Variants in ARHGAP17 observed in about 807,000 individuals in gnomAD.
The protein encoded by ARHGAP17 is rho GTPase-activating protein 17.
In ARHGAP17, 57 loss-of-function variants were observed where a neutral mutation model predicts 99.5. That is an observed-to-expected ratio of 0.57 (90% CI 0.46 to 0.71). ARHGAP17 has a LOEUF of 0.71. ARHGAP17 is among the 30% of genes least tolerant of loss of function. The pLI is 0.00. For missense variants in ARHGAP17, 1,000 were observed against 1,122.4 expected (o/e 0.89, Z 1.56); for synonymous variants, 417 against 429.6 (o/e 0.97, Z 0.36).
At position 24,939,509 on chromosome 16, in the gene ARHGAP17, G is replaced by A. The variant is rs762764341; in HGVS notation, c.1579C>T (p.Leu527Phe). The A allele has an allele frequency of 4.3e-6, 7 of 1,611,158 alleles. No homozygotes were observed. The highest frequency in any genetic ancestry group is 5.9e-6 in the Non-Finnish European group (7 of 1,179,180). The change falls in exon 17 of 20, where the codon CTT becomes TTT. Residue 527 changes from leucine to phenylalanine, a missense_variant. Around this residue, in one of 2 missense-constraint regions of ARHGAP17, gnomAD observed 528 missense variants for 511.4 expected, o/e 1.03. Coordinates refer to ENST00000289968, the MANE Select transcript of ARHGAP17 (RefSeq NM_001006634.3). ...ACGGTGCTGCCATCTGTGGGCGGAA[G>A]TGGCGGCTGGAAAGCGGGGGATATG... ...KHISPAFQPPLPPTDGSTVVP... is the reference protein window; with the variant it reads ...KHISPAFQPPFPPTDGSTVVP...
chr16:25,004,999 C>T (rs1031743801), intron 1 of ARHGAP17, among the ~76,000 whole-genome samples: 2 of 152,214 alleles, frequency 1.3e-5, no homozygotes, highest in South Asian at 2.1e-4. Context: ...ACTGCAACCT[C>T]GGCCTCCTGG....
chr16:24,938,788 A>G (rs542428950), intron 17 of ARHGAP17, among the ~76,000 whole-genome samples: 45 of 151,690 alleles, frequency 3.0e-4, no homozygotes, highest in East Asian at 1.4e-3. Flanking sequence ...AAAAAAAAAA[A>G]AAAGAAAAAA....
chr16:24,978,866 TAAAAAAAA>T, intron 2 of ARHGAP17, 92 bp downstream of exon 2: 2 of 586,484 alleles, frequency 3.4e-6, no homozygotes, highest in South Asian at 2.3e-5. Context: ...TGTTTCTGGT[TAAAAAAAA>T]AAAAAAAAAA....
At chr16:24,937,970 T>C (rs1417430056) in intron 17 of ARHGAP17, among the ~76,000 whole-genome samples, 1 of 152,214 alleles carries the variant, frequency 6.6e-6, no homozygotes. Flanking sequence ...GCTAAGCAGC[T>C]GTCAGTTCCA....
intron 17 of ARHGAP17, among the ~76,000 whole-genome samples, chr16:24,937,209 G>C (rs1217307861): frequency 6.6e-6 from 1 of 151,602 alleles, no homozygotes; most frequent in Non-Finnish European, 1.5e-5. Context: ...ATCACTTGAG[G>C]TCAGGACATC....
At chr16:24,967,694 A>G (rs1160440666) in intron 6 of ARHGAP17, among the ~76,000 whole-genome samples, 2 of 151,518 alleles carry the variant, frequency 1.3e-5, no homozygotes, top group African/African-American at 4.8e-5. Context: ...ATGCCGAGGC[A>G]GAAGGATCAC....
At chr16:24,992,195 G>A (rs191639096) in intron 1 of ARHGAP17, among the ~76,000 whole-genome samples, 17 of 152,322 alleles carry the variant, frequency 1.1e-4, no homozygotes, top group African/African-American at 4.1e-4. Flanking sequence ...CAACAGGTTT[G>A]AGTTTCAGAA....
chr16:24,943,043 C>T (rs564700512), intron 15 of ARHGAP17, among the ~76,000 whole-genome samples: 1 of 152,268 alleles, frequency 6.6e-6, no homozygotes, highest in African/African-American at 2.4e-5. Flanking sequence ...CCCCACGGGA[C>T]ATGGCAGCAG....
At chr16:25,004,564 T>A (rs1178790291) in intron 1 of ARHGAP17, among the ~76,000 whole-genome samples, 2 of 152,254 alleles carry the variant, frequency 1.3e-5, no homozygotes, top group African/African-American at 4.8e-5. Context: ...GTGCTTTTAA[T>A]AATTTCTGTA....
intron 13 of ARHGAP17, among the ~76,000 whole-genome samples, chr16:24,948,335 A>G (rs1004939341): frequency 2.0e-5 from 3 of 152,234 alleles, no homozygotes; most frequent in African/African-American, 7.2e-5. Context: ...GCTTACGTCT[A>G]CATTAACTCT....
intron 19 of ARHGAP17, chr16:24,929,626 A>G (rs1451320465): frequency 1.0e-6 from 1 of 987,798 alleles, no homozygotes; most frequent in Non-Finnish European, 1.2e-6. Flanking sequence ...AGTCCTGGAA[A>G]CCTTCCCCAC....
At chr16:24,997,094 G>C (rs1003236983) in intron 1 of ARHGAP17, among the ~76,000 whole-genome samples, 5 of 152,220 alleles carry the variant, frequency 3.3e-5, no homozygotes, top group Admixed American at 6.5e-5. Flanking sequence ...AAGGTGCCCA[G>C]TACACATCCA....
chr16:24,972,837 C>CT (rs1288633344), intron 3 of ARHGAP17, among the ~76,000 whole-genome samples: 4 of 151,408 alleles, frequency 2.6e-5, no homozygotes, highest in Non-Finnish European at 5.9e-5. Flanking sequence ...GGAAACTCTG[C>CT]TTAACATATG....
At chr16:25,005,151 G>C (rs2053472159) in intron 1 of ARHGAP17, among the ~76,000 whole-genome samples, 1 of 152,184 alleles carries the variant, frequency 6.6e-6, no homozygotes, top group African/African-American at 2.4e-5. Flanking sequence ...CGTGACCTCA[G>C]GAGATCCACC....
chr16:24,969,084 T>G (rs889178766), intron 4 of ARHGAP17, among the ~76,000 whole-genome samples: 1 of 152,240 alleles, frequency 6.6e-6, no homozygotes, highest in Non-Finnish European at 1.5e-5. Flanking sequence ...CACAAAATAC[T>G]CTGAAGATCT....
intron 9 of ARHGAP17, among the ~76,000 whole-genome samples, chr16:24,958,090 C>T (rs987205958): frequency 1.5e-4 from 23 of 152,294 alleles, no homozygotes; most frequent in African/African-American, 5.1e-4. Context: ...ACTTCCTCCA[C>T]GGGCTGTTCC....
Position 24,959,712 on chromosome 16 carries a change from G to T in ARHGAP17, c.683C>A (p.Ala228Glu). The change falls in exon 9 of 20, where the codon GCA becomes GAA. Residue 228 changes from alanine (A) to glutamate (E), a missense_variant. Ala to Glu is a moderately radical substitution (Grantham distance 107, BLOSUM62 -1). Around this residue, in one of 2 missense-constraint regions of ARHGAP17, gnomAD observed 472 missense variants for 611.1 expected, o/e 0.77. Transcript: ENST00000289968. ...AQADYHRKALAVLEKTLPEMR... is the reference protein window; with the variant it reads ...AQADYHRKALEVLEKTLPEMR... The stretch of plus-strand genomic sequence containing the variant: ...TTCGGGGAGGGTCTTTTCTAAGACT[G>T]CTAATGCTTTTCTATGGTAATCTGC... 3 of 1,614,104 alleles carry T rather than the reference G, an allele frequency of 1.9e-6. No homozygotes were observed. Among genetic ancestry groups the T allele is most frequent in the Non-Finnish European group, 2.5e-6 (3 of 1,180,016 alleles).
At chr16:24,934,856 A>C (rs2051091656) in intron 18 of ARHGAP17, among the ~76,000 whole-genome samples, 1 of 152,224 alleles carries the variant, frequency 6.6e-6, no homozygotes, top group African/African-American at 2.4e-5. Context: ...GGATGAACTT[A>C]GTTCATTCAA....
At chr16:24,947,077 T>G (rs1243798782) in intron 14 of ARHGAP17, among the ~76,000 whole-genome samples, 6 of 152,240 alleles carry the variant, frequency 3.9e-5, no homozygotes, top group African/African-American at 1.4e-4. Context: ...TGTAAAAATC[T>G]GTATGCTTTC....
Sources: gnomAD v4.1 joint callset for allele counts (sites outside exome capture counted in the v4.1 genomes callset) on GRCh38, gnomAD v4.1.1 for gene constraint, gnomAD v4.1.1 regional missense constraint, MANE v1.5 for transcripts, NCBI Gene and HGNC (gene_info 2026-07-23, HGNC 2026-07-21) for gene names.